The following OPRM1 variants were observed in gnomAD, a reference collection of about 807,000 sequenced individuals.
OPRM1 encodes the protein mu-type opioid receptor.
In OPRM1, 27 loss-of-function variants were observed where a neutral mutation model predicts 31.8. That is an observed-to-expected ratio of 0.85 (90% confidence interval 0.63 to 1.17). The LOEUF (loss-of-function observed/expected upper bound fraction) is 1.17, where lower values mean the gene tolerates loss of function less well. Among genes scored for constraint, OPRM1 ranks in the 50% most tolerant of loss-of-function variants. The probability of loss-of-function intolerance (pLI) is 0.00; values close to 1 mark genes in which losing one functional copy is unlikely to be tolerated. For missense variants in OPRM1, 536 were observed against 511.1 expected, an observed-to-expected ratio of 1.05 and a Z score of -0.47; for synonymous variants, 196 against 189.9, an observed-to-expected ratio of 1.03 and a Z score of -0.26.
intron 1 of OPRM1, among the ~76,000 whole-genome samples, chr6:154,066,520 C>G (rs1052788977): frequency 2.6e-5 from 4 of 151,364 alleles, no homozygotes; most frequent in African/African-American, 9.8e-5. Context: ...CCCTCCCATC[C>G]CCCCCAAAAA....
intron 3 of OPRM1, among the ~76,000 whole-genome samples, chr6:154,152,352 GAA>G (rs1189648340): frequency 2.1e-5 from 3 of 140,918 alleles, no homozygotes; most frequent in African/African-American, 8.4e-5. Context: ...AGAAAGGAAA[GAA>G]AGAAAGAAAG....
chr6:154,231,581 G>A (rs1250655786), intron 3 of OPRM1, among the ~76,000 whole-genome samples: 1 of 152,236 alleles, frequency 6.6e-6, no homozygotes, highest in African/African-American at 2.4e-5. Flanking sequence ...GCAATCTCTA[G>A]GACATAGTGA....
intron 3 of OPRM1, among the ~76,000 whole-genome samples, chr6:154,229,127 G>A (rs1449951587): frequency 6.6e-6 from 1 of 152,158 alleles, no homozygotes; most frequent in African/African-American, 2.4e-5. Context: ...CTCTCTTACT[G>A]TATTTAATTA....
Position 154,127,119 on chromosome 6 carries a change from A to G in OPRM1, c.*8398A>G, listed in dbSNP as rs1797636370. 6.6e-6 allele frequency among the ~76,000 whole-genome samples: 1 copy of G among 151,556 alleles called. No homozygotes were observed. Among genetic ancestry groups the G allele is most frequent in the Non-Finnish European group, 1.5e-5 (1 of 67,876 alleles). On this transcript the variant is annotated 3_prime_UTR_variant, in exon 4 of 4. Transcript: ENST00000330432. ...ATGAGATTGTCTCAAAAAAAAAAAAAAGTGCCACATGCCATGCTATGTGCC... is the reference window on the plus strand; with the variant it reads ...ATGAGATTGTCTCAAAAAAAAAAAAGAGTGCCACATGCCATGCTATGTGCC...
At chr6:154,110,580 T>C in intron 3 of OPRM1, 1 of 576,738 alleles carries the variant, frequency 1.7e-6, no homozygotes, top group Non-Finnish European at 3.1e-6. Flanking sequence ...CCGAGCTCTT[T>C]TGACTGCTCA....
chr6:154,245,611 C>G (rs1223937955), intron 3 of OPRM1, among the ~76,000 whole-genome samples: 1 of 152,148 alleles, frequency 6.6e-6, no homozygotes, highest in African/African-American at 2.4e-5. Context: ...CATGCATGCC[C>G]ACGTCATTTC....
intron 1 of OPRM1, among the ~76,000 whole-genome samples, chr6:154,069,430 G>A (rs549818999): frequency 6.6e-6 from 1 of 152,186 alleles, no homozygotes; most frequent in African/African-American, 2.4e-5. Flanking sequence ...GTAGAGACAG[G>A]GTTTCACCAT....
intron 1 of OPRM1, among the ~76,000 whole-genome samples, chr6:154,045,360 A>T (rs1039961568): frequency 1.3e-5 from 2 of 152,236 alleles, no homozygotes; most frequent in African/African-American, 4.8e-5. Flanking sequence ...TGAAATAATT[A>T]TCTGTGACAG....
chr6:154,047,751 T>C (rs1781419357), intron 1 of OPRM1, among the ~76,000 whole-genome samples: 2 of 152,230 alleles, frequency 1.3e-5, no homozygotes, highest in Admixed American at 1.3e-4. Flanking sequence ...TTAAATAATA[T>C]GTTAGCTTAT....
intron 3 of OPRM1, among the ~76,000 whole-genome samples, chr6:154,106,175 C>G (rs1361176169): frequency 6.6e-6 from 1 of 152,188 alleles, no homozygotes; most frequent in Non-Finnish European, 1.5e-5. Flanking sequence ...AGAAAAAATT[C>G]ACATTCTTAT....
chr6:154,123,190 T>C lies in OPRM1; in HGVS notation c.*4469T>C, dbSNP rs552551340. On this transcript the variant is annotated 3_prime_UTR_variant, in exon 4 of 4. Transcript: ENST00000330432. Reference sequence around the variant, plus strand: ...CTGTCTGTACAACTGCCTCTATCTATGCAGCTATGGGGTGTCTCTAGGCGA... The same window carrying C: ...CTGTCTGTACAACTGCCTCTATCTACGCAGCTATGGGGTGTCTCTAGGCGA... Among the ~76,000 whole-genome samples the C allele has an allele frequency of 3.9e-5, 6 of 152,320 alleles. No homozygotes were observed. Among genetic ancestry groups the C allele is most frequent in the Admixed American group, 2.0e-4 (3 of 15,298 alleles).
At chr6:154,235,142 T>C (rs938762820) in intron 3 of OPRM1, among the ~76,000 whole-genome samples, 3 of 152,242 alleles carry the variant, frequency 2.0e-5, no homozygotes, top group African/African-American at 7.2e-5. Context: ...TAATCTACCA[T>C]CCATGGTTAT....
At chr6:154,208,179 C>A (rs568470006) in intron 3 of OPRM1, among the ~76,000 whole-genome samples, 99 of 150,860 alleles carry the variant, frequency 6.6e-4, no homozygotes, top group Non-Finnish European at 1.2e-3. Flanking sequence ...ATGCCCTCCA[C>A]GATATGGCTA....
chr6:154,024,890 T>C (rs769492063), intron 1 of OPRM1, among the ~76,000 whole-genome samples: 3 of 152,102 alleles, frequency 2.0e-5, no homozygotes, highest in Non-Finnish European at 2.9e-5. Flanking sequence ...TTTATTCCAT[T>C]GTGATCAGAG....
At chr6:154,025,039 G>T (rs1270469573) in intron 1 of OPRM1, among the ~76,000 whole-genome samples, 1 of 151,964 alleles carries the variant, frequency 6.6e-6, no homozygotes, top group African/African-American at 2.4e-5. Flanking sequence ...AAGTCCATTT[G>T]GTCTATAGTA....
At chr6:154,243,705 C>T (rs1780786320) in intron 3 of OPRM1, among the ~76,000 whole-genome samples, 2 of 152,186 alleles carry the variant, frequency 1.3e-5, no homozygotes, top group South Asian at 2.1e-4. Context: ...TGTATCCTGG[C>T]CCGAGAGGGA....
intron 1 of OPRM1, among the ~76,000 whole-genome samples, chr6:154,012,116 A>G (rs1777762385): frequency 6.6e-6 from 1 of 152,192 alleles, no homozygotes; most frequent in Non-Finnish European, 1.5e-5. Context: ...TTTGGACTGA[A>G]CAAAAGGTTT....
chr6:154,240,556 T>A (rs1285446323), intron 3 of OPRM1, among the ~76,000 whole-genome samples: 1 of 152,086 alleles, frequency 6.6e-6, no homozygotes, highest in Non-Finnish European at 1.5e-5. Context: ...TTACTGAAAC[T>A]TGCAGAATAG....
chr6:154,011,419 G>A (rs1252081965), intron 1 of OPRM1, among the ~76,000 whole-genome samples: 1 of 152,128 alleles, frequency 6.6e-6, no homozygotes, highest in Non-Finnish European at 1.5e-5. Context: ...CAATAGCAAA[G>A]AGAAGAAAAG....
Sources: gnomAD v4.1 joint callset for allele counts (sites outside exome capture counted in the v4.1 genomes callset) on GRCh38, gnomAD v4.1.1 for gene constraint, MANE v1.5 for transcripts, NCBI Gene and HGNC (gene_info 2026-07-23, HGNC 2026-07-21) for gene names.